Variants in DIP2C observed in about 807,000 individuals in gnomAD.
The protein encoded by DIP2C is DIP2 acetate--CoA ligase C (putative).
Under a neutral mutation model 192.4 loss-of-function variants are expected in DIP2C, and 33 were observed. The ratio of observed to expected loss-of-function variants is 0.17; its 90% CI spans 0.13 to 0.23. The LOEUF is 0.23. Among genes scored for constraint, DIP2C ranks in the 10% least tolerant of loss-of-function variants. The pLI, the probability that DIP2C is intolerant of heterozygous loss-of-function variation, is 1.00. For synonymous variants in DIP2C, 979 were observed against 864.1 expected (o/e 1.13, Z -2.33); for missense variants, 1,537 against 2,110.1 (o/e 0.73, Z 5.32).
rs1195851255 is a variant in DIP2C, at chr10:492,385, C to T, written c.86-5855G>A. 3.9e-5 allele frequency among the ~76,000 whole-genome samples: 6 copies of T among 152,348 alleles called. No individual in the cohort carries two copies. In the East Asian group the frequency reaches 7.7e-4, roughly 20 times the overall value. ...TGGCTCCACCTGCACCTGCTGTGCC[C>T]ATCACCCCCTCATTCTCACAAGCCC... On this transcript the variant is annotated intron_variant, in intron 1 of 36. Transcript: ENST00000280886.
Position 507,339 on chromosome 10 carries a change from G to A in DIP2C, c.86-20809C>T, listed in dbSNP as rs1384130859. Among the ~76,000 whole-genome samples the A allele has an allele frequency of 4.7e-4, 72 of 151,680 alleles. 2 individuals carry two copies. Among genetic ancestry groups the A allele is most frequent in the Admixed American group, 4.7e-3 (72 of 15,238 alleles). On this transcript the variant is annotated intron_variant, in intron 1 of 36. Transcript: ENST00000280886. The stretch of plus-strand genomic sequence containing the variant: ...ACAATCAGAAGCTTTCAAGGTTAGG[G>A]ACCTGGTCACCCGCTGTGTCCAACC...
At chr10:347,394 A>G (rs1958535460) in intron 26 of DIP2C, among the ~76,000 whole-genome samples, 1 of 147,468 alleles carries the variant, frequency 6.8e-6, no homozygotes, top group Non-Finnish European at 1.5e-5. Context: ...CGGAAACGTC[A>G]CACGCACCCG....
chr10:501,365 C>T (rs983478866), intron 1 of DIP2C, among the ~76,000 whole-genome samples: 6 of 152,096 alleles, frequency 3.9e-5, no homozygotes, highest in Middle Eastern at 3.2e-3. Context: ...TGTATGCAGT[C>T]CTATACTCAT....
intron 33 of DIP2C, 82 bp from the exon 34 acceptor site, chr10:286,429 T>G: frequency 7.9e-7 from 1 of 1,267,368 alleles, no homozygotes; most frequent in South Asian, 1.2e-5. Flanking sequence ...ATCTCATCTT[T>G]ATGCCATTTC....
chr10:277,063 A>C lies in DIP2C; in HGVS notation c.*262T>G. The C allele has an allele frequency of 3.8e-6, 1 of 261,424 alleles. No individual in the cohort carries two copies. The highest frequency in any genetic ancestry group is 1.0e-4 in the Admixed American group (1 of 9,714). The allele number at this position is 261,424 out of a possible 1,614,324, so 16.2% of individuals were successfully genotyped here. On this transcript the variant is annotated 3_prime_UTR_variant, in exon 37 of 37. Transcript: ENST00000280886. ...AATTAAAAAAGAAAGAAAAGAAAAG[A>C]AAGTTTTGAAATGGGCTTTTCCAAC...
rs1258713282 is a variant in DIP2C, at chr10:323,411, CCGGCGCTGTTAGAA to C, written c.3924+3581_3924+3594del. ...GGGGGTGCGGGGCTCCGGCGAGAGA[CCGGCGCTGTTAGAA>C]CAGTCAGTCGGGGGTGCGGGGCTCC... is the stretch of plus-strand genomic sequence containing the variant. On this transcript the variant is annotated intron_variant, in intron 31 of 36. Coordinates refer to ENST00000280886, the MANE Select transcript of DIP2C (RefSeq NM_014974.3). 4.8e-3 allele frequency among the ~76,000 whole-genome samples: 614 copies of C among 127,870 alleles called. 64 individuals carry two copies. Among genetic ancestry groups the C allele is most frequent in the Non-Finnish European group, 6.0e-3 (358 of 59,812 alleles). The allele number at this position is 127,870 out of a possible 152,430, so 83.9% of individuals were successfully genotyped here. A position where few individuals can be genotyped will look rare whatever the true frequency, so the allele number is the denominator to read the frequency against.
chr10:582,148 C>CA (rs1346004042), intron 1 of DIP2C, among the ~76,000 whole-genome samples: 2 of 152,208 alleles, frequency 1.3e-5, no homozygotes, highest in African/African-American at 2.4e-5. Flanking sequence ...ACCGGCCACC[C>CA]ACCCCCTGCT....
rs1251346966 is a variant in DIP2C, at chr10:327,254, T to TC, written c.3754-79dup. On this transcript the variant is annotated intron_variant, in intron 30 of 36. Transcript: ENST00000280886. ...TGAGCCAGAGACTCCTTCCCACAGA[T>TC]CCCCACGTAAACATTGGAAAACTCA... The TC allele has an allele frequency of 1.5e-5, 22 of 1,500,482 alleles. No individual in the cohort carries two copies. In the South Asian group the frequency reaches 2.9e-4, roughly 20 times the overall value. The allele number at this position is 1,500,482 out of a possible 1,614,324, so 92.9% of individuals were successfully genotyped here.
chr10:559,341 G>GCCGGGGGAACA (rs1849074224), intron 1 of DIP2C, among the ~76,000 whole-genome samples: 1 of 150,852 alleles, frequency 6.6e-6, no homozygotes, highest in Non-Finnish European at 1.5e-5. Flanking sequence ...CCGGGGGAAC[G>GCCGGGGGAACA]CCGGGGGAAG....
chr10:364,551 A>T lies in DIP2C; in HGVS notation c.2300T>A (p.Ile767Asn). 1 of 1,614,140 alleles carries T rather than the reference A, an allele frequency of 6.2e-7. No homozygotes were observed. Among genetic ancestry groups the T allele is most frequent in the Non-Finnish European group, 8.5e-7 (1 of 1,180,006 alleles). Residue 767 changes from isoleucine to asparagine, a missense_variant, in exon 20 of 37, where the codon ATC (isoleucine) becomes AAC (asparagine). Around this residue, in one of 4 missense-constraint regions of DIP2C, gnomAD observed 677 missense variants for 989.9 expected, o/e 0.68. Transcript: ENST00000280886. ...VFPMTSSGAP[I>N]SEYPFIRTGL... ...TGTCCTTATGAATGGGTATTCACTG[A>T]TCGGAGCCCCGGAGCTTGTCATGGG... is the stretch of plus-strand genomic sequence containing the variant.
intron 1 of DIP2C, among the ~76,000 whole-genome samples, chr10:524,986 A>AAAAAAAAAAAAAAAAAAAAAAAAAT (rs1400277795): frequency 6.9e-6 from 1 of 144,942 alleles, no homozygotes; most frequent in African/African-American, 2.5e-5. Flanking sequence ...AAAAAAAAGA[A>AAAAAAAAAAAAAAAAAAAAAAAAAT]TCACATTTTC....
chr10:675,081 C>T (rs1830827163), intron 1 of DIP2C, among the ~76,000 whole-genome samples: 1 of 151,964 alleles, frequency 6.6e-6, no homozygotes, highest in Non-Finnish European at 1.5e-5. Context: ...AAATTGAAAT[C>T]ACATCTAGGA....
intron 1 of DIP2C, among the ~76,000 whole-genome samples, chr10:520,590 T>TG (rs1846638434): frequency 6.6e-6 from 1 of 152,284 alleles, no homozygotes; most frequent in East Asian, 1.9e-4. Context: ...CCACGTGCCC[T>TG]GGGGCCGTCC....
At chr10:318,930 G>A (rs1012906109) in intron 31 of DIP2C, among the ~76,000 whole-genome samples, 2 of 148,176 alleles carry the variant, frequency 1.3e-5, no homozygotes, top group Non-Finnish European at 3.0e-5. Context: ...TTTATACAGA[G>A]TCTGGCTCTG....
At chr10:380,056 C>A (rs1224080462) in intron 17 of DIP2C, among the ~76,000 whole-genome samples, 1 of 151,882 alleles carries the variant, frequency 6.6e-6, no homozygotes, top group Non-Finnish European at 1.5e-5. Flanking sequence ...AGATGGTTAA[C>A]ACGCAGAAGA....
At chr10:595,222 CCT>C (rs1249687449) in intron 1 of DIP2C, among the ~76,000 whole-genome samples, 4 of 152,342 alleles carry the variant, frequency 2.6e-5, no homozygotes, top group African/African-American at 7.2e-5. Flanking sequence ...GCCAACGTCC[CCT>C]CACGCAGGTT....
chr10:585,535 C>T (rs1850965573), intron 1 of DIP2C, among the ~76,000 whole-genome samples: 1 of 152,206 alleles, frequency 6.6e-6, no homozygotes, highest in Non-Finnish European at 1.5e-5. Context: ...GCACACACAT[C>T]CTGAAGCTCC....
rs905489717 is a variant in DIP2C, at chr10:364,963, T to A, written c.2269-381A>T. ...AAGGTACATTTTAAACAACGTCTGT[T>A]AGTTTTAAAGTAATCTCTCTTCATT... On this transcript the variant is annotated intron_variant, in intron 19 of 36. Transcript: ENST00000280886. 3 of 534,282 alleles carry A rather than the reference T, an allele frequency of 5.6e-6. No individual in the cohort carries two copies. In the Admixed American group the frequency reaches 6.2e-5, roughly 11 times the overall value. The allele number at this position is 534,282 out of a possible 1,614,324, so 33.1% of individuals were successfully genotyped here.
At chr10:312,585 A>G (rs1024744055) in intron 31 of DIP2C, among the ~76,000 whole-genome samples, 2 of 152,218 alleles carry the variant, frequency 1.3e-5, no homozygotes, top group Admixed American at 6.5e-5. Context: ...CACTCACAAC[A>G]GAGCCAAGTC....
Sources: gnomAD v4.1 joint callset for allele counts (sites outside exome capture counted in the v4.1 genomes callset) on GRCh38, gnomAD v4.1.1 for gene constraint, gnomAD v4.1.1 regional missense constraint, MANE v1.5 for transcripts, NCBI Gene and HGNC (gene_info 2026-07-23, HGNC 2026-07-21) for gene names.